HID1: variants seen among roughly 807,000 people sequenced by gnomAD.
HID1 encodes the protein protein HID1.
HID1 carries 42 observed loss-of-function variants against 89.7 expected under a neutral mutation model. The ratio of observed to expected loss-of-function variants is 0.47; its 90% CI spans 0.37 to 0.61. HID1 has a LOEUF of 0.61. Ranked by LOEUF, HID1 falls within the 20% of genes least tolerant of loss-of-function variation. The probability of loss-of-function intolerance (pLI) is 0.00; values close to 1 mark genes in which losing one functional copy is unlikely to be tolerated. For missense variants in HID1, 854 were observed against 1,039.3 expected, an observed-to-expected ratio of 0.82 and a Z score of 2.45; for synonymous variants, 442 against 433.8, an observed-to-expected ratio of 1.02 and a Z score of -0.24.
rs1041216174 is a variant in HID1, at chr17:74,959,217, C to G, written c.1009-166G>C. On this transcript the variant is annotated intron_variant, in intron 8 of 18. Transcript: ENST00000425042. The surrounding 1 kb of genome is among the most constrained non-coding windows in gnomAD (Gnocchi z 4.6). ...CACCCATAGCTGTCCTGGGGCGATG[C>G]CTCAGGAAGCGGAGTCCCTCATAGC... Among the ~76,000 whole-genome samples, 8 of 151,826 alleles carry G rather than the reference C, an allele frequency of 5.3e-5. No individual in the cohort carries two copies. Among genetic ancestry groups the G allele is most frequent in the African/African-American group, 1.9e-4 (8 of 41,300 alleles).
intron 6 of HID1, among the ~76,000 whole-genome samples, chr17:74,961,371 G>A (rs922332344): frequency 3.3e-5 from 5 of 151,830 alleles, no homozygotes; most frequent in Non-Finnish European, 5.9e-5. Flanking sequence ...GGGTTCAAGC[G>A]ATTCTCGTGC....
chr17:74,963,900 T>C lies in HID1; in HGVS notation c.227A>G (p.Lys76Arg). ...LATLCYKAVE[K>R]LVQGAESGCH... ...GCCACTCTCAGCTCCCTGCACCAGC[T>C]TCTCAACGGCCTGTGGGGGCAGGCA... The change falls in exon 3 of 19, where the codon AAG becomes AGG. Residue 76 changes from lysine to arginine, a missense_variant. Coordinates refer to ENST00000425042, the MANE Select transcript of HID1 (RefSeq NM_030630.3). The C allele has an allele frequency of 6.2e-7, 1 of 1,613,810 alleles. No homozygotes were observed. The highest frequency in any genetic ancestry group is 2.2e-5 in the East Asian group (1 of 44,874).
In HID1 at chr17:74,963,096, C is replaced by A; in HGVS notation, c.388-15G>T. 6.4e-7 allele frequency: 1 copy of A among 1,557,832 alleles called. No homozygotes were observed. Among genetic ancestry groups the A allele is most frequent in the Non-Finnish European group, 8.8e-7 (1 of 1,140,432 alleles). ...TCTTCTCCCTGCTGGGGACACAGCACCCACAGGCTGCCTCAGTGATAGCTG... is the reference window on the plus strand; with the variant it reads ...TCTTCTCCCTGCTGGGGACACAGCAACCACAGGCTGCCTCAGTGATAGCTG... On this transcript the variant is annotated splice_polypyrimidine_tract_variant and intron_variant, in intron 3 of 18. Transcript: ENST00000425042.
chr17:74,954,672 A>G, intron 13 of HID1: 1 of 447,482 alleles, frequency 2.2e-6, no homozygotes, highest in South Asian at 2.3e-5. Context: ...AGGCCCCAGC[A>G]TGGCAGCATC....
Position 74,954,274 on chromosome 17 carries a change from C to T in HID1, c.1728G>A (p.Lys576=). Residue 576 remains lysine (K), a synonymous_variant, in exon 14 of 19, where the codon AAG becomes AAA. Transcript: ENST00000425042. ...NLPTDPPTIH[K]ALQRRRRTPE... ...GTGTCCGCCGGCGCCGCTGCAGGGC[C>T]TTGTGAATGGTGGGCGGGTCCGTGG... 1 of 1,588,316 alleles carries T rather than the reference C, an allele frequency of 6.3e-7. No homozygotes were observed. The highest frequency in any genetic ancestry group is 8.6e-7 in the Non-Finnish European group (1 of 1,168,234).
intron 12 of HID1, among the ~76,000 whole-genome samples, chr17:74,957,741 G>C (rs1036911192): frequency 6.6e-6 from 1 of 150,792 alleles, no homozygotes; most frequent in African/African-American, 2.4e-5. Flanking sequence ...CTCTACTAAA[G>C]ATACAAAAAT....
At position 74,959,469 on chromosome 17, in the gene HID1, T is replaced by G. The variant is rs1290667851; in HGVS notation, c.1008+412A>C. 6.6e-6 allele frequency among the ~76,000 whole-genome samples: 1 copy of G among 152,134 alleles called. No individual in the cohort carries two copies. The highest frequency in any genetic ancestry group is 1.5e-5 in the Non-Finnish European group (1 of 68,020). ...GAGGAGCATTCCACTGTTCTGTCAT[T>G]TACTGAGGCCTGCCACTAGCTGGGG... On this transcript the variant is annotated intron_variant, in intron 8 of 18. Transcript: ENST00000425042. The surrounding 1 kb of genome is among the most constrained non-coding windows in gnomAD (Gnocchi z 4.6).
At chr17:74,953,521 G>A (rs1447524292) in intron 15 of HID1, 24 bp downstream of exon 15, 1 of 1,599,276 alleles carries the variant, frequency 6.3e-7, no homozygotes, top group Non-Finnish European at 8.6e-7. Flanking sequence ...GCCACGCCCG[G>A]CTCCAGGAGT....
In HID1 at chr17:74,960,212, G is replaced by T; in HGVS notation, c.765C>A (p.Thr255=). ...AGCCCACAGGGTCATAGGCACACAC[G>T]GTGTTGAGGAGGGAGGTGAAGAGGG... ...ALPLFTSLLN[T]VCAYDPVGYG... Residue 255 remains threonine, a synonymous_variant, in exon 7 of 19, where the codon ACC becomes ACA. Transcript: ENST00000425042. 6.2e-7 allele frequency: 1 copy of T among 1,613,008 alleles called. No homozygotes were observed.
intron 1 of HID1, among the ~76,000 whole-genome samples, chr17:74,969,355 T>G (rs748250785): frequency 6.6e-6 from 1 of 151,942 alleles, no homozygotes; most frequent in Non-Finnish European, 1.5e-5. Context: ...CCGGCTAATT[T>G]TTTTGTATTT....
chr17:74,967,317 G>A (rs376576506), intron 1 of HID1, among the ~76,000 whole-genome samples: 11 of 152,032 alleles, frequency 7.2e-5, no homozygotes, highest in African/African-American at 2.7e-4. Context: ...GAGGTGGGTG[G>A]CTCACGAGGT....
rs888299389 is a variant in HID1 at position 74,959,614 on chromosome 17, T to A, written c.1008+267A>T. On this transcript the variant is annotated intron_variant, in intron 8 of 18. Coordinates refer to ENST00000425042, the MANE Select transcript of HID1 (RefSeq NM_030630.3). This position sits in a 1 kb window ranked among gnomAD's most constrained non-coding sequence, Gnocchi z 4.6. ...GGGACTGCTTGGCCTGAAGCCCTTG[T>A]CCACTGTCATTCCCCTTTTGTCCCC... Among the ~76,000 whole-genome samples, 2 of 152,058 alleles carry A rather than the reference T, an allele frequency of 1.3e-5. No individual in the cohort carries two copies. Among genetic ancestry groups the A allele is most frequent in the Non-Finnish European group, 2.9e-5 (2 of 67,996 alleles).
chr17:74,955,198 C>T (rs1187879276), intron 13 of HID1, among the ~76,000 whole-genome samples: 1 of 152,218 alleles, frequency 6.6e-6, no homozygotes, highest in African/African-American at 2.4e-5. Flanking sequence ...TGACACTGGG[C>T]AGACGGGCTG....
intron 18 of HID1, 123 bp from the exon 19 acceptor site, chr17:74,951,756 C>A (rs142749536): frequency 1.5e-6 from 2 of 1,331,208 alleles, no homozygotes; most frequent in African/African-American, 1.5e-5. Context: ...CCCTGGGCAG[C>A]GGGTGCCACC....
At chr17:74,953,763 C>CGGTGGAGGT in intron 14 of HID1, 112 bp from the exon 15 acceptor site, 2 of 803,594 alleles carry the variant, frequency 2.5e-6, no homozygotes, top group Non-Finnish European at 4.1e-6. Context: ...CCTCTGGAAC[C>CGGTGGAGGT]TCCACCGGCT....
intron 16 of HID1, 77 bp downstream of exon 16, chr17:74,952,929 C>T (rs1316594519): frequency 9.5e-6 from 11 of 1,160,838 alleles, no homozygotes; most frequent in Non-Finnish European, 1.3e-5. Context: ...GGCCAAGGAG[C>T]CCCAACCCAG....
intron 12 of HID1, chr17:74,957,873 C>G: frequency 2.3e-6 from 1 of 439,852 alleles, no homozygotes; most frequent in Non-Finnish European, 4.2e-6. Flanking sequence ...GCACTCCAGC[C>G]TGGGCGACAA....
Position 74,958,246 on chromosome 17 carries a change from TG to T in HID1, c.1393-28del. ...TGTGCCAGGAGGGACAGAGGCACCGTGGGGTCCCCGCTGCCTCCAGACTCAG... is the reference window on the plus strand; with the variant it reads ...TGTGCCAGGAGGGACAGAGGCACCGTGGGTCCCCGCTGCCTCCAGACTCAG... On this transcript the variant is annotated intron_variant, in intron 11 of 18. Transcript: ENST00000425042. The surrounding 1 kb of genome is among the most constrained non-coding windows in gnomAD (Gnocchi z 5.2). The T allele has an allele frequency of 1.2e-6, 2 of 1,608,444 alleles. No homozygotes were observed. Among genetic ancestry groups the T allele is most frequent in the Non-Finnish European group, 1.7e-6 (2 of 1,177,554 alleles).
intron 15 of HID1, 90 bp from the exon 16 acceptor site, chr17:74,953,176 GA>G: frequency 8.9e-7 from 1 of 1,122,230 alleles, no homozygotes; most frequent in Non-Finnish European, 1.3e-6. Context: ...CTGGCAGCTG[GA>G]AATCCCACAA....
Sources: gnomAD v4.1 joint callset for allele counts (sites outside exome capture counted in the v4.1 genomes callset) on GRCh38, gnomAD v4.1.1 for gene constraint, Gnocchi (gnomAD v3.1) non-coding constraint, MANE v1.5 for transcripts, NCBI Gene and HGNC (gene_info 2026-07-23, HGNC 2026-07-21) for gene names.